Variants in C12orf60 observed in about 807,000 individuals in gnomAD.
The protein encoded by C12orf60 is uncharacterized protein C12orf60.
For missense variants in C12orf60, 284 were observed against 283.2 expected (o/e 1.00, Z -0.02); for synonymous variants, 102 against 94.6 (o/e 1.08, Z -0.45).
chr12:14,806,484 C>T, intron 1 of C12orf60: 1 of 1,614,126 alleles, frequency 6.2e-7, no homozygotes, highest in Non-Finnish European at 8.5e-7. Flanking sequence ...GATGAGGTCA[C>T]AGTTTTCTTT....
In C12orf60 at chr12:14,823,641, A is replaced by G. The variant is rs990136576; in HGVS notation, c.706A>G (p.Ile236Val). The part of the protein sequence containing the change: ...QKAIKTMEMN[I>V]SVFKKASDK ...AGCGATAAAGACTATGGAAATGAAT[A>G]TTTCTGTGTTTAAGAAAGCCAGTGA... Residue 236 changes from isoleucine (I) to valine (V), a missense_variant, in exon 2 of 2, where the codon ATT becomes GTT. Coordinates refer to ENST00000330828, the MANE Select transcript of C12orf60 (RefSeq NM_175874.4). The G allele has an allele frequency of 1.3e-6, 2 of 1,579,200 alleles. No homozygotes were observed. The highest frequency in any genetic ancestry group is 1.7e-6 in the Non-Finnish European group (2 of 1,166,176).
At chr12:14,808,035 G>A (rs919908093) in intron 1 of C12orf60, among the ~76,000 whole-genome samples, 6 of 152,180 alleles carry the variant, frequency 3.9e-5, no homozygotes, top group African/African-American at 1.4e-4. Context: ...GTGTGGTGGT[G>A]CATGCCTGTA....
At position 14,812,428 on chromosome 12, in the gene C12orf60, A is replaced by G. The variant is rs914489691; in HGVS notation, c.-25+8677A>G. ...CACTGCACGCCGGCCTGGGTGACAG[A>G]GGGAGACTCCGTCTCAAAAAAAAAA... On this transcript the variant is annotated intron_variant, in intron 1 of 1. Coordinates refer to ENST00000330828, the MANE Select transcript of C12orf60 (RefSeq NM_175874.4). Among the ~76,000 whole-genome samples the G allele has an allele frequency of 7.2e-5, 11 of 152,118 alleles. No individual in the cohort carries two copies. In the East Asian group the frequency reaches 1.9e-3, roughly 27 times the overall value.
chr12:14,818,457 A>G (rs1035834165), intron 1 of C12orf60, among the ~76,000 whole-genome samples: 4 of 152,186 alleles, frequency 2.6e-5, no homozygotes, highest in Non-Finnish European at 4.4e-5. Flanking sequence ...TAAACTTTCT[A>G]TGTTAAATTG....
intron 1 of C12orf60, among the ~76,000 whole-genome samples, chr12:14,807,963 C>T (rs942103107): frequency 3.9e-5 from 6 of 152,056 alleles, no homozygotes; most frequent in Non-Finnish European, 8.8e-5. Flanking sequence ...GCCAGGAGTT[C>T]AAGACCAGCC....
chr12:14,807,161 A>G (rs898308947), intron 1 of C12orf60, among the ~76,000 whole-genome samples: 1 of 152,194 alleles, frequency 6.6e-6, no homozygotes, highest in Admixed American at 6.5e-5. Context: ...AGTTATTTTT[A>G]TGAAATTTGG....
At position 14,823,826 on chromosome 12, in the gene C12orf60, G is replaced by T. The variant is rs1264516258; in HGVS notation, c.*153G>T. 1 of 563,428 alleles carries T rather than the reference G, an allele frequency of 1.8e-6. No homozygotes were observed. The highest frequency in any genetic ancestry group is 2.8e-6 in the Non-Finnish European group (1 of 355,566). The allele number at this position is 563,428 out of a possible 1,614,324, so 34.9% of individuals were successfully genotyped here. On this transcript the variant is annotated 3_prime_UTR_variant, in exon 2 of 2. Coordinates refer to ENST00000330828, the MANE Select transcript of C12orf60 (RefSeq NM_175874.4). ...TGGCAAAACATTTACCTGTAGTTTT[G>T]CTTTATTAAAATAAAAAGAAATAAT...
At chr12:14,820,512 C>T (rs1279936274) in intron 1 of C12orf60, among the ~76,000 whole-genome samples, 1 of 151,794 alleles carries the variant, frequency 6.6e-6, no homozygotes, top group East Asian at 1.9e-4. Context: ...TGGTTTCATC[C>T]CACAGATTTT....
At position 14,823,094 on chromosome 12, in the gene C12orf60, T is replaced by C; in HGVS notation, c.159T>C (p.Asn53=). ...TQILLMAVKN[N]SYIKDFFEQM... is the part of the protein sequence containing the mutation. The stretch of plus-strand genomic sequence containing the variant: ...TCCTTTTGATGGCTGTGAAAAACAA[T>C]AGTTACATTAAGGATTTTTTTGAGC... The change falls in exon 2 of 2, where the codon AAT becomes AAC. Residue 53 remains asparagine, a synonymous_variant. Coordinates refer to ENST00000330828, the MANE Select transcript of C12orf60 (RefSeq NM_175874.4). 2 of 1,614,100 alleles carry C rather than the reference T, an allele frequency of 1.2e-6. No homozygotes were observed. The highest frequency in any genetic ancestry group is 1.1e-5 in the South Asian group (1 of 91,084).
chr12:14,815,552 C>T (rs567840945), intron 1 of C12orf60, among the ~76,000 whole-genome samples: 1 of 152,152 alleles, frequency 6.6e-6, no homozygotes, highest in African/African-American at 2.4e-5. Context: ...AGATGTCATG[C>T]TAGGAAATTG....
chr12:14,807,244 G>A (rs1950066046), intron 1 of C12orf60, among the ~76,000 whole-genome samples: 1 of 152,202 alleles, frequency 6.6e-6, no homozygotes, highest in African/African-American at 2.4e-5. Context: ...AGATTTTGTG[G>A]TGGTGAGAAA....
At chr12:14,806,004 C>A (rs375827971) in intron 1 of C12orf60, 1 of 1,596,958 alleles carries the variant, frequency 6.3e-7, no homozygotes, top group South Asian at 1.1e-5. Context: ...AACGGCTGTT[C>A]ATTTCATTTG....
chr12:14,812,139 C>T (rs1259493830), intron 1 of C12orf60, among the ~76,000 whole-genome samples: 5 of 152,174 alleles, frequency 3.3e-5, no homozygotes, highest in Non-Finnish European at 7.4e-5. Flanking sequence ...ACACTTTCCC[C>T]TATTTATAGC....
rs1385045201 is a variant in C12orf60 at position 14,823,766 on chromosome 12, G to A, written c.*93G>A. The A allele has an allele frequency of 5.7e-6, 7 of 1,231,236 alleles. No homozygotes were observed. The highest frequency in any genetic ancestry group is 7.7e-6 in the Non-Finnish European group (7 of 907,830). The allele number at this position is 1,231,236 out of a possible 1,614,324, so 76.3% of individuals were successfully genotyped here. A position where few individuals can be genotyped will look rare whatever the true frequency, so the allele number is the denominator to read the frequency against. The stretch of plus-strand genomic sequence containing the variant: ...TCTAAGATCTTTTGGTGCCAAACAT[G>A]TGCTATGTTAGAACATAAGTACACA... On this transcript the variant is annotated 3_prime_UTR_variant, in exon 2 of 2. Coordinates refer to ENST00000330828, the MANE Select transcript of C12orf60 (RefSeq NM_175874.4).
At chr12:14,818,714 C>T (rs531387867) in intron 1 of C12orf60, among the ~76,000 whole-genome samples, 23 of 152,186 alleles carry the variant, frequency 1.5e-4, no homozygotes, top group Non-Finnish European at 3.1e-4. Flanking sequence ...TGGTTGGGGG[C>T]GGAGGTTGCA....
Position 14,823,217 on chromosome 12 carries a change from G to A in C12orf60, c.282G>A (p.Met94Ile). Residue 94 changes from methionine to isoleucine, a missense_variant, in exon 2 of 2, where the codon ATG (methionine) becomes ATA (isoleucine). By Grantham distance (10) the Met-to-Ile change is conservative (BLOSUM62 1). Coordinates refer to ENST00000330828, the MANE Select transcript of C12orf60 (RefSeq NM_175874.4). ...TATGTTCCAAGGTTGCAATGGCCAT[G>A]TGCTCTGTGGTTCAGAAGAGTACCA... ...ESLCSKVAMA[M>I]CSVVQKSTNV... 6.2e-7 allele frequency: 1 copy of A among 1,614,132 alleles called. No homozygotes were observed. The highest frequency in any genetic ancestry group is 2.2e-5 in the East Asian group (1 of 44,876).
chr12:14,821,719 T>C (rs1255266008), intron 1 of C12orf60, among the ~76,000 whole-genome samples: 1 of 152,130 alleles, frequency 6.6e-6, no homozygotes. Flanking sequence ...TTCTGTGGTC[T>C]GCCACCTGCT....
At chr12:14,812,849 T>C (rs1394609330) in intron 1 of C12orf60, among the ~76,000 whole-genome samples, 1 of 152,138 alleles carries the variant, frequency 6.6e-6, no homozygotes, top group African/African-American at 2.4e-5. Context: ...AATGATCCTG[T>C]CACCCAGATA....
chr12:14,804,549 T>G lies in C12orf60; in HGVS notation c.-25+798T>G, dbSNP rs965985413. ...CCTTTGTGTTAGGAAATTCTTGATT[T>G]GATTTTAGACTGAATTTGAGTGTCA... On this transcript the variant is annotated intron_variant, in intron 1 of 1. Transcript: ENST00000330828. 3 of 152,344 alleles carry G rather than the reference T, an allele frequency of 2.0e-5. No homozygotes were observed. The East Asian group carries it at 5.8e-4, about 29-fold the overall frequency. 9.4% of individuals were successfully genotyped at this position (152,344 alleles called of 1,614,324 possible).
Sources: gnomAD v4.1 joint callset for allele counts (sites outside exome capture counted in the v4.1 genomes callset) on GRCh38, gnomAD v4.1.1 for gene constraint, MANE v1.5 for transcripts, NCBI Gene and HGNC (gene_info 2026-07-23, HGNC 2026-07-21) for gene names.